The following CUBN variants were observed in gnomAD, a reference collection of about 807,000 sequenced individuals.
CUBN encodes 460 kDa receptor.
CUBN carries 282 observed loss-of-function variants against 405.3 expected under a neutral mutation model. That is an observed-to-expected ratio of 0.70 (90% CI 0.63 to 0.77). The LOEUF (loss-of-function observed/expected upper bound fraction) is 0.77. Among genes scored for constraint, CUBN ranks in the 30% least tolerant of loss-of-function variants. The pLI, the probability that CUBN is intolerant of heterozygous loss-of-function variation, is 0.00. For synonymous variants in CUBN, 1,684 were observed against 1,617.0 expected, an observed-to-expected ratio of 1.04 and a Z score of -0.99; for missense variants, 4,514 against 4,475.2, an observed-to-expected ratio of 1.01 and a Z score of -0.25.
At chr10:16,860,053 G>GTTATTTTAATTTA (rs1261246201) in intron 59 of CUBN, among the ~76,000 whole-genome samples, 10 of 151,972 alleles carry the variant, frequency 6.6e-5, no homozygotes, top group Non-Finnish European at 1.3e-4. Context: ...AAGAGTCACA[G>GTTATTTTAATTTA]GATGTATAAA....
At chr10:17,102,768 G>A (rs1201338829) in intron 13 of CUBN, among the ~76,000 whole-genome samples, 1 of 151,506 alleles carries the variant, frequency 6.6e-6, no homozygotes, top group South Asian at 2.1e-4. Flanking sequence ...CACTACACCT[G>A]GCTAATTTTT....
intron 9 of CUBN, 104 bp from the exon 10 acceptor site, chr10:17,109,839 T>C: frequency 2.4e-6 from 2 of 843,506 alleles, no homozygotes; most frequent in South Asian, 1.4e-5. Flanking sequence ...TCAGGGATCC[T>C]CTATCATCGA....
intron 59 of CUBN, among the ~76,000 whole-genome samples, chr10:16,860,544 A>G (rs544105186): frequency 3.3e-5 from 5 of 152,338 alleles, no homozygotes; most frequent in African/African-American, 1.2e-4. Flanking sequence ...TTATCTGACT[A>G]CCTACTGATC....
At position 17,129,010 on chromosome 10, in the gene CUBN, TAAA is replaced by T; in HGVS notation, c.252+108_252+110del. 5 of 822,884 alleles carry T rather than the reference TAAA, an allele frequency of 6.1e-6. No homozygotes were observed. The South Asian group carries it at 9.0e-5, about 15-fold the overall frequency. 51.0% of individuals were successfully genotyped at this position (822,884 alleles called of 1,614,324 possible). A position where few individuals can be genotyped will look rare whatever the true frequency, so the allele number is the denominator to read the frequency against. ...AGGAATGTATCAAATTATGTATTAA[TAAA>T]AAATAATAATTAAAAAAGATTCAAG... On this transcript the variant is annotated intron_variant, in intron 2 of 66. Transcript: ENST00000377833.
rs1841364159 is a variant in CUBN, at chr10:16,901,425, C to T, written c.8097G>A (p.Val2699=). Residue 2699 remains valine, a synonymous_variant, in exon 52 of 67, where the codon GTG becomes GTA. Coordinates refer to ENST00000377833, the MANE Select transcript of CUBN (RefSeq NM_001081.4). ...CGGIQIGDSG[V]ITSPNYPNAY... ...CATTTGGATAGTTGGGGCTTGTGAT[C>T]ACTCCACTGTCACCTATCTGTATTC... 6.2e-7 allele frequency: 1 copy of T among 1,614,112 alleles called. No individual in the cohort carries two copies. The highest frequency in any genetic ancestry group is 8.5e-7 in the Non-Finnish European group (1 of 1,179,974).
chr10:17,063,559 T>C (rs550236535), intron 22 of CUBN, among the ~76,000 whole-genome samples: 1 of 152,330 alleles, frequency 6.6e-6, no homozygotes, highest in African/African-American at 2.4e-5. Flanking sequence ...TCCTGACTCA[T>C]TTTTATTTTA....
At chr10:16,920,451 C>T (rs1383580111) in intron 43 of CUBN, among the ~76,000 whole-genome samples, 1 of 152,150 alleles carries the variant, frequency 6.6e-6, no homozygotes, top group Admixed American at 6.5e-5. Context: ...TAAATATCCA[C>T]CACTTCGATA....
At chr10:17,079,404 T>G (rs1394383310) in intron 17 of CUBN, among the ~76,000 whole-genome samples, 1 of 151,574 alleles carries the variant, frequency 6.6e-6, no homozygotes, top group Non-Finnish European at 1.5e-5. Context: ...CTTGGCTACT[T>G]TTTTGTATTT....
rs760654330 is a variant in CUBN, at chr10:16,828,908, T to C, written c.10661A>G (p.Tyr3554Cys). The C allele has an allele frequency of 1.9e-6, 3 of 1,614,076 alleles. No individual in the cohort carries two copies. The highest frequency in any genetic ancestry group is 8.5e-7 in the Non-Finnish European group (1 of 1,179,996). Residue 3554 changes from tyrosine (Y) to cysteine (C), a missense_variant, in exon 66 of 67, where the codon TAC becomes TGC. By Grantham distance (194) the Tyr-to-Cys change is radical. Coordinates refer to ENST00000377833, the MANE Select transcript of CUBN (RefSeq NM_001081.4). ...PAGRLVTINF[Y>C]FISIDDPGDC... ...TCCTGGATCGTCAATGCTGATGAAG[T>C]AGAAGTTGATGGTGACAAGCCTTCC...
At chr10:17,031,216 G>A (rs1413136967) in intron 27 of CUBN, among the ~76,000 whole-genome samples, 1 of 152,160 alleles carries the variant, frequency 6.6e-6, no homozygotes, top group Non-Finnish European at 1.5e-5. Flanking sequence ...TAAATGTCTT[G>A]AGAAATGAAT....
Position 17,054,160 on chromosome 10 carries a change from G to A in CUBN, c.3140-6557C>T, listed in dbSNP as rs897900972. ...AGGGTGACCAATATGGTGAAACCCC[G>A]TCTCTACCAAAAATACAAAAATTAA... On this transcript the variant is annotated intron_variant, in intron 22 of 66. Transcript: ENST00000377833. Among the ~76,000 whole-genome samples, 7 of 151,712 alleles carry A rather than the reference G, an allele frequency of 4.6e-5. No individual in the cohort carries two copies. In the East Asian group the frequency reaches 5.8e-4, roughly 13 times the overall value.
chr10:16,905,565 G>A (rs946184443), intron 50 of CUBN, among the ~76,000 whole-genome samples: 4 of 152,118 alleles, frequency 2.6e-5, no homozygotes, highest in East Asian at 1.9e-4. Flanking sequence ...AGCATGCTAA[G>A]TCCCAGTCTC....
In CUBN at chr10:16,928,532, C is replaced by CCTTT. The variant is rs1403918589; in HGVS notation, c.6125-230_6125-229insAAAG. 6.5e-3 allele frequency among the ~76,000 whole-genome samples: 700 copies of CCTTT among 107,016 alleles called. 1 individual carries two copies. Among genetic ancestry groups the CCTTT allele is most frequent in the Non-Finnish European group, 8.8e-3 (473 of 53,968 alleles). The allele number at this position is 107,016 out of a possible 152,430, so 70.2% of individuals were successfully genotyped here. On this transcript the variant is annotated intron_variant, in intron 40 of 66. Transcript: ENST00000377833. ...TACCCCCACCCCACCCCACCCCCCC[C>CCTTT]TTTTTTTTTTTTTTTGAGATGGAGT...
chr10:17,088,174 T>C lies in CUBN; in HGVS notation c.1937A>G (p.Asp646Gly). The C allele has an allele frequency of 6.2e-7, 1 of 1,611,718 alleles. No individual in the cohort carries two copies. Reference sequence around the variant, plus strand: ...AATATAATTATTTACCTCAAGGTAATCTTTGTTGCAGTCATCATGGTGCTC... The same window carrying C: ...AATATAATTATTTACCTCAAGGTAACCTTTGTTGCAGTCATCATGGTGCTC... ...SLEHHDDCNK[D>G]YLEIRDGPLY... Residue 646 changes from aspartate (D) to glycine (G), a missense_variant, in exon 15 of 67, where the codon GAT (aspartate) becomes GGT (glycine). By Grantham distance (94) the Asp-to-Gly change is moderately conservative. Around this residue, in one of 5 missense-constraint regions of CUBN, gnomAD observed 1,448 missense variants for 1,388.0 expected, o/e 1.04. Transcript: ENST00000377833.
chr10:17,082,770 C>G (rs1229576455), intron 17 of CUBN, among the ~76,000 whole-genome samples: 12 of 152,154 alleles, frequency 7.9e-5, no homozygotes, highest in Non-Finnish European at 1.8e-4. Flanking sequence ...ATAACTAGAT[C>G]TCCTAAATTT....
Position 17,129,229 on chromosome 10 carries a change from T to C in CUBN, c.144A>G (p.Arg48=). 1.2e-6 allele frequency: 2 copies of C among 1,613,660 alleles called. No homozygotes were observed. The highest frequency in any genetic ancestry group is 1.7e-6 in the Non-Finnish European group (2 of 1,179,562). ...ACCCCGTAAGAAACACCAAATTTCC[T>C]CTCTCTGTAGCCATTCGAGGCCTAT... ...NLQQPRMATE[R]GNLVFLTGSA... is the part of the protein sequence containing the mutation. Residue 48 remains arginine (R), a synonymous_variant, in exon 2 of 67, where the codon AGA becomes AGG. Coordinates refer to ENST00000377833, the MANE Select transcript of CUBN (RefSeq NM_001081.4).
intron 17 of CUBN, among the ~76,000 whole-genome samples, chr10:17,076,675 C>T (rs1401186347): frequency 6.6e-6 from 1 of 152,144 alleles, no homozygotes; most frequent in Non-Finnish European, 1.5e-5. Context: ...AGCCATAGGA[C>T]TTGCTTTGCC....
At chr10:16,829,935 T>TG (rs888257958) in intron 65 of CUBN, among the ~76,000 whole-genome samples, 15 of 149,742 alleles carry the variant, frequency 1.0e-4, no homozygotes, top group South Asian at 2.1e-4. Context: ...TGGGTTTTTT[T>TG]TGTTTTGTTT....
chr10:17,065,604 T>A lies in CUBN; in HGVS notation c.3043A>T (p.Ser1015Cys). The A allele has an allele frequency of 6.2e-7, 1 of 1,613,634 alleles. No individual in the cohort carries two copies. Among genetic ancestry groups the A allele is most frequent in the Non-Finnish European group, 8.5e-7 (1 of 1,179,624 alleles). ...CGKSIPPSLTSSGNSLMLVFV... is the reference protein window; with the variant it reads ...CGKSIPPSLTCSGNSLMLVFV... ...ACCAGCATCAATGAGTTACCACTGCTTGTGAGAGATGGCGGGATCGACTTT... is the reference window on the plus strand; with the variant it reads ...ACCAGCATCAATGAGTTACCACTGCATGTGAGAGATGGCGGGATCGACTTT... Residue 1015 changes from serine (S) to cysteine (C), a missense_variant, in exon 22 of 67, where the codon AGC becomes TGC. Around this residue, in one of 5 missense-constraint regions of CUBN, gnomAD observed 1,448 missense variants for 1,388.0 expected, o/e 1.04. Coordinates refer to ENST00000377833, the MANE Select transcript of CUBN (RefSeq NM_001081.4).
Sources: gnomAD v4.1 joint callset for allele counts (sites outside exome capture counted in the v4.1 genomes callset) on GRCh38, gnomAD v4.1.1 for gene constraint, gnomAD v4.1.1 regional missense constraint, MANE v1.5 for transcripts, NCBI Gene and HGNC (gene_info 2026-07-23, HGNC 2026-07-21) for gene names.